The following PDE4B variants were observed in gnomAD, a reference collection of about 807,000 sequenced individuals.
The protein encoded by PDE4B is phosphodiesterase 4B.
Under a neutral mutation model 82.2 loss-of-function variants are expected in PDE4B, and 20 were observed. The ratio of observed to expected loss-of-function variants is 0.24; its 90% CI spans 0.17 to 0.35. PDE4B has a LOEUF of 0.35. Among genes scored for constraint, PDE4B ranks in the 10% least tolerant of loss-of-function variants. The pLI is 1.00. For missense variants in PDE4B, 655 were observed against 907.2 expected (o/e 0.72, Z 3.57); for synonymous variants, 320 against 318.9 (o/e 1.00, Z -0.04).
intron 3 of PDE4B, among the ~76,000 whole-genome samples, chr1:66,090,621 A>ATATATATGTGTG: frequency 6.5e-5 from 8 of 122,734 alleles, no homozygotes; most frequent in Middle Eastern, 3.9e-3. Flanking sequence ...TATATAATAT[A>ATATATATGTGTG]TGTGTGTGTG....
intron 7 of PDE4B, among the ~76,000 whole-genome samples, chr1:66,307,315 T>C (rs1658350191): frequency 6.6e-6 from 1 of 152,078 alleles, no homozygotes; most frequent in South Asian, 2.1e-4. Flanking sequence ...ATGAAAGCCA[T>C]GGAGAGCAAG....
Position 66,252,725 on chromosome 1 carries a change from C to T in PDE4B, c.477-4922C>T, listed in dbSNP as rs116099453. Among the ~76,000 whole-genome samples the T allele has an allele frequency of 7.7e-3, 1,174 of 152,140 alleles. 13 individuals are homozygous for T. Among genetic ancestry groups the T allele is most frequent in the African/African-American group, 0.027 (1,132 of 41,490 alleles). On this transcript the variant is annotated intron_variant, in intron 4 of 16. Coordinates refer to ENST00000341517, the MANE Select transcript of PDE4B (RefSeq NM_002600.4). The stretch of plus-strand genomic sequence containing the variant: ...CTTTGGGAGGCTAAGGTGGGTGGAT[C>T]GCTTGAGTTTGAGACCAGCCTGGAC...
At chr1:65,896,931 T>A (rs950176889) in intron 1 of PDE4B, among the ~76,000 whole-genome samples, 2 of 152,116 alleles carry the variant, frequency 1.3e-5, no homozygotes, top group African/African-American at 4.8e-5. Flanking sequence ...ATTTCTATTG[T>A]GTTTTTTAAA....
In PDE4B at chr1:66,357,789, G is replaced by T. The variant is rs970950869; in HGVS notation, c.841+2169G>T. Among the ~76,000 whole-genome samples the T allele has an allele frequency of 3.3e-5, 5 of 152,066 alleles. No homozygotes were observed. In the South Asian group the frequency reaches 6.2e-4, roughly 19 times the overall value. Reference sequence around the variant, plus strand: ...AATATTAACAAAAGATGCATCAGTTGCCTCACTTGTAAAATGGGAACACTG... The same window carrying T: ...AATATTAACAAAAGATGCATCAGTTTCCTCACTTGTAAAATGGGAACACTG... On this transcript the variant is annotated intron_variant, in intron 9 of 16. Coordinates refer to ENST00000341517, the MANE Select transcript of PDE4B (RefSeq NM_002600.4).
intron 1 of PDE4B, among the ~76,000 whole-genome samples, chr1:65,860,743 C>T (rs1222557082): frequency 6.6e-6 from 1 of 152,184 alleles, no homozygotes; most frequent in African/African-American, 2.4e-5. Context: ...ACTATTGTAA[C>T]TGTCATGAGA....
chr1:66,277,056 C>T (rs969668411), intron 7 of PDE4B, among the ~76,000 whole-genome samples: 4 of 151,822 alleles, frequency 2.6e-5, no homozygotes, highest in African/African-American at 9.7e-5. Context: ...CATTCTGGGG[C>T]CTAAAGTAGA....
At position 66,104,171 on chromosome 1, in the gene PDE4B, G is replaced by A. The variant is rs910037682; in HGVS notation, c.282-143289G>A. ...TTCTCGTTGTTCAATTCCCACCTAT[G>A]AGTGAGAATATATGGTGTTTGGTTT... On this transcript the variant is annotated intron_variant, in intron 3 of 16. Coordinates refer to ENST00000341517, the MANE Select transcript of PDE4B (RefSeq NM_002600.4). 8.8e-5 allele frequency among the ~76,000 whole-genome samples: 13 copies of A among 148,022 alleles called. No individual in the cohort carries two copies. The East Asian group carries it at 1.2e-3, about 14-fold the overall frequency.
intron 3 of PDE4B, among the ~76,000 whole-genome samples, chr1:66,009,920 T>C (rs1235560140): frequency 6.9e-6 from 1 of 145,584 alleles, no homozygotes; most frequent in African/African-American, 2.8e-5. Flanking sequence ...TATCTATCTA[T>C]CTATCTATCT....
intron 3 of PDE4B, among the ~76,000 whole-genome samples, chr1:66,169,006 T>C (rs1031606074): frequency 6.6e-6 from 1 of 152,158 alleles, no homozygotes; most frequent in African/African-American, 2.4e-5. Flanking sequence ...ATTATCAGCA[T>C]CCAGAAGGAA....
intron 3 of PDE4B, among the ~76,000 whole-genome samples, chr1:65,982,660 A>G (rs1166961568): frequency 1.3e-5 from 2 of 152,152 alleles, no homozygotes; most frequent in African/African-American, 4.8e-5. Context: ...GGCCAACAAG[A>G]TTTTTGAGAG....
intron 3 of PDE4B, among the ~76,000 whole-genome samples, chr1:66,087,639 C>A (rs908817063): frequency 6.6e-6 from 1 of 151,816 alleles, no homozygotes; most frequent in Non-Finnish European, 1.5e-5. Context: ...CAATGATAGA[C>A]TGGATTAAGA....
At chr1:66,148,583 CA>C (rs2101181698) in intron 3 of PDE4B, among the ~76,000 whole-genome samples, 1 of 152,138 alleles carries the variant, frequency 6.6e-6, no homozygotes, top group East Asian at 1.9e-4. Context: ...AATCATCAAC[CA>C]CATTTAAGTT....
chr1:65,994,191 T>A (rs531018500), intron 3 of PDE4B, among the ~76,000 whole-genome samples: 2 of 152,294 alleles, frequency 1.3e-5, no homozygotes, highest in African/African-American at 4.8e-5. Flanking sequence ...AAAATTAATA[T>A]TCACTTGAAT....
chr1:65,935,886 G>A (rs1171633215), intron 3 of PDE4B, among the ~76,000 whole-genome samples: 6 of 151,902 alleles, frequency 3.9e-5, no homozygotes, highest in African/African-American at 1.2e-4. Context: ...GCGGTGAGCC[G>A]AGATCACGCT....
chr1:66,036,838 T>A (rs991526860), intron 3 of PDE4B, among the ~76,000 whole-genome samples: 12 of 152,130 alleles, frequency 7.9e-5, no homozygotes, highest in African/African-American at 2.9e-4. Context: ...ACAAATTTTA[T>A]AATTGTTTTT....
chr1:65,890,513 T>C (rs1282315670), intron 1 of PDE4B, among the ~76,000 whole-genome samples: 2 of 152,052 alleles, frequency 1.3e-5, no homozygotes, highest in Admixed American at 6.6e-5. Context: ...CAACTAGACA[T>C]TGTGACGGAT....
intron 3 of PDE4B, among the ~76,000 whole-genome samples, chr1:66,171,645 A>G (rs1646838418): frequency 6.6e-6 from 1 of 152,152 alleles, no homozygotes; most frequent in African/African-American, 2.4e-5. Context: ...CCAGATCAAT[A>G]CTGTTGAAAA....
At chr1:66,090,621 A>ATATATATATGTGTGTGTGTGTGTG in intron 3 of PDE4B, among the ~76,000 whole-genome samples, 1 of 122,738 alleles carries the variant, frequency 8.1e-6, no homozygotes, top group African/African-American at 4.1e-5. Context: ...TATATAATAT[A>ATATATATATGTGTGTGTGTGTGTG]TGTGTGTGTG....
chr1:65,797,102 G>A (rs1384974253), intron 1 of PDE4B, among the ~76,000 whole-genome samples: 4 of 151,746 alleles, frequency 2.6e-5, no homozygotes, highest in African/African-American at 9.7e-5. Flanking sequence ...ACAGGTGCCC[G>A]CCACCACGCC....
Sources: gnomAD v4.1 joint callset for allele counts (sites outside exome capture counted in the v4.1 genomes callset) on GRCh38, gnomAD v4.1.1 for gene constraint, MANE v1.5 for transcripts, NCBI Gene and HGNC (gene_info 2026-07-23, HGNC 2026-07-21) for gene names.